Variants in SGSM1 observed in about 807,000 individuals in gnomAD.
The protein encoded by SGSM1 is RUN and TBC1 domain containing 2.
Under a neutral mutation model 133.8 loss-of-function variants are expected in SGSM1, and 73 were observed. That is an observed-to-expected ratio of 0.55 (90% CI 0.45 to 0.66). The LOEUF (loss-of-function observed/expected upper bound fraction) is 0.66. Among genes scored for constraint, SGSM1 ranks in the 30% least tolerant of loss-of-function variants. SGSM1 has a pLI of 0.00. For synonymous variants in SGSM1, 563 were observed against 573.0 expected (o/e 0.98, Z 0.25); for missense variants, 1,213 against 1,448.1 (o/e 0.84, Z 2.64).
chr22:24,838,385 A>G (rs1929593335), intron 2 of SGSM1, among the ~76,000 whole-genome samples: 2 of 152,214 alleles, frequency 1.3e-5, no homozygotes, highest in African/African-American at 2.4e-5. Flanking sequence ...CCAGGAAGAA[A>G]TGCAACAATG....
At chr22:24,820,099 A>G (rs1025235622) in intron 2 of SGSM1, among the ~76,000 whole-genome samples, 1 of 152,066 alleles carries the variant, frequency 6.6e-6, no homozygotes, top group African/African-American at 2.4e-5. Context: ...TGGGAATGGA[A>G]AACGTGCAGG....
At chr22:24,833,667 AAAAG>A (rs1374981469) in intron 2 of SGSM1, among the ~76,000 whole-genome samples, 4 of 152,208 alleles carry the variant, frequency 2.6e-5, no homozygotes, top group Non-Finnish European at 4.4e-5. Flanking sequence ...AAAAAAAAAA[AAAAG>A]ATTTCCACAT....
At chr22:24,881,600 C>A (rs11912034) in intron 14 of SGSM1, among the ~76,000 whole-genome samples, 26,794 of 150,226 alleles carry the variant, frequency 0.18, 2,784 homozygotes, top group South Asian at 0.28. Flanking sequence ...ACAAAAAAAA[C>A]CAGCAACAAC....
At chr22:24,856,131 G>A (rs944303865) in intron 8 of SGSM1, 14 of 349,730 alleles carry the variant, frequency 4.0e-5, no homozygotes, top group African/African-American at 1.5e-4. Context: ...CCATCTGTTC[G>A]CTCTTGTTCT....
At chr22:24,877,798 C>CT (rs367556554) in intron 13 of SGSM1, among the ~76,000 whole-genome samples, 5 of 85,738 alleles carry the variant, frequency 5.8e-5, no homozygotes, top group South Asian at 4.0e-4. Flanking sequence ...GAGATTCTTT[C>CT]TTTCTTTTTT....
chr22:24,923,401 GT>G (rs1312004488), intron 24 of SGSM1, among the ~76,000 whole-genome samples: 3 of 152,000 alleles, frequency 2.0e-5, no homozygotes, highest in African/African-American at 7.3e-5. Flanking sequence ...AAATGTCTAC[GT>G]TTAGGATTAT....
intron 24 of SGSM1, among the ~76,000 whole-genome samples, chr22:24,923,858 G>A (rs1460896898): frequency 1.3e-5 from 2 of 151,854 alleles, no homozygotes. Flanking sequence ...CCGACCTCAG[G>A]TGATCCACCT....
At chr22:24,806,883 A>G (rs989304639) in intron 2 of SGSM1, among the ~76,000 whole-genome samples, 20 of 151,988 alleles carry the variant, frequency 1.3e-4, no homozygotes, top group African/African-American at 4.3e-4. Flanking sequence ...GGGGCTCTGA[A>G]TGGGGCTGCC....
Position 24,855,279 on chromosome 22 carries a change from C to T in SGSM1, c.524-6C>T, listed in dbSNP as rs1328362272. Reference sequence around the variant, plus strand: ...AGTGGGTTTCCAGCCCCCACATGCCCCTCAGTGGGGCCCTGTGCCCTAGAG... The same window carrying T: ...AGTGGGTTTCCAGCCCCCACATGCCTCTCAGTGGGGCCCTGTGCCCTAGAG... On this transcript the variant is annotated splice_region_variant and splice_polypyrimidine_tract_variant and intron_variant, in intron 6 of 24. Transcript: ENST00000400358. The T allele has an allele frequency of 8.1e-6, 13 of 1,608,106 alleles. No individual in the cohort carries two copies. In the Middle Eastern group the frequency reaches 5.0e-4, roughly 61 times the overall value.
chr22:24,835,680 C>T (rs1226565038), intron 2 of SGSM1, among the ~76,000 whole-genome samples: 1 of 151,962 alleles, frequency 6.6e-6, no homozygotes, highest in African/African-American at 2.4e-5. Flanking sequence ...ACAGGAATTG[C>T]AGAGGACATG....
At chr22:24,811,736 G>T (rs929336142) in intron 2 of SGSM1, among the ~76,000 whole-genome samples, 1 of 151,876 alleles carries the variant, frequency 6.6e-6, no homozygotes. Context: ...AGGCATTGTG[G>T]TGCATGCCTG....
In SGSM1 at chr22:24,853,982, G is replaced by C. The variant is rs148904098; in HGVS notation, c.456-1014G>C. ...GGAAGATGCAAAAGCAGAAACCCCT[G>C]ATAAACCCATCATATCTCGTGAGAC... On this transcript the variant is annotated intron_variant, in intron 5 of 24. Transcript: ENST00000400358. Among the ~76,000 whole-genome samples the C allele has an allele frequency of 8.1e-3, 1,222 of 150,428 alleles. 12 individuals are homozygous for C. The highest frequency in any genetic ancestry group is 0.014 in the Non-Finnish European group (916 of 67,536).
intron 23 of SGSM1, among the ~76,000 whole-genome samples, 177 bp from the exon 24 acceptor site, chr22:24,919,649 C>G (rs1178029178): frequency 6.6e-6 from 1 of 152,212 alleles, no homozygotes; most frequent in African/African-American, 2.4e-5. Context: ...TTCTGGTGGT[C>G]AAATGACAGA....
intron 17 of SGSM1, among the ~76,000 whole-genome samples, chr22:24,895,020 C>T (rs16979204): frequency 0.12 from 17,760 of 152,116 alleles, 1,213 homozygotes; most frequent in East Asian, 0.23. Context: ...GAGGTCAAAG[C>T]GGTCTCTGAA....
At chr22:24,892,447 C>T (rs1462395702) in intron 16 of SGSM1, among the ~76,000 whole-genome samples, 3 of 152,180 alleles carry the variant, frequency 2.0e-5, no homozygotes, top group Non-Finnish European at 4.4e-5. Context: ...TGCTGAATCC[C>T]ACAAGGAAAA....
At chr22:24,816,484 C>G (rs1928090464) in intron 2 of SGSM1, among the ~76,000 whole-genome samples, 1 of 129,730 alleles carries the variant, frequency 7.7e-6, no homozygotes, top group Non-Finnish European at 1.7e-5. Context: ...GGCACGATCT[C>G]AGCTCACTGC....
At chr22:24,847,009 T>G (rs139664) in intron 3 of SGSM1, among the ~76,000 whole-genome samples, 29,853 of 151,730 alleles carry the variant, frequency 0.2, 3,053 homozygotes, top group Middle Eastern at 0.29. Flanking sequence ...CCTGGCTAAT[T>G]TCTTATATTT....
Position 24,822,090 on chromosome 22 carries a change from T to C in SGSM1, c.63+15606T>C, listed in dbSNP as rs113880202. On this transcript the variant is annotated intron_variant, in intron 2 of 24. Coordinates refer to ENST00000400358, the MANE Select transcript of SGSM1 (RefSeq NM_001098497.3). ...ATGCTCTACCTGTTCATCTCTCTCT[T>C]TTTTTTTTTTTTTTTTTTGAGACAG... is the stretch of plus-strand genomic sequence containing the variant. Among the ~76,000 whole-genome samples the C allele has an allele frequency of 1.0e-3, 115 of 111,900 alleles. 2 individuals carry two copies. The highest frequency in any genetic ancestry group is 2.6e-3 in the South Asian group (8 of 3,050). The allele number at this position is 111,900 out of a possible 152,430, so 73.4% of individuals were successfully genotyped here.
chr22:24,866,988 G>A (rs541940376), intron 9 of SGSM1, 105 bp from the exon 10 acceptor site: 2 of 1,037,032 alleles, frequency 1.9e-6, no homozygotes, highest in South Asian at 2.7e-5. Context: ...GGGACCTAAT[G>A]GGAAGGGTGG....
Sources: allele counts gnomAD v4.1 joint callset (sites outside exome capture counted in the v4.1 genomes callset), GRCh38; gene constraint gnomAD v4.1.1; transcripts MANE v1.5; gene names NCBI Gene and HGNC (gene_info 2026-07-23, HGNC 2026-07-21).